The following SEM1 variants were observed in gnomAD, a reference collection of about 807,000 sequenced individuals.
SEM1 encodes the protein 26S proteasome complex subunit SEM1.
A neutral mutation model predicts 12.7 loss-of-function variants in SEM1; 3 were observed. That is an observed-to-expected ratio of 0.24 (90% CI 0.11 to 0.61). SEM1 has a LOEUF of 0.61. SEM1 is among the 20% of genes least tolerant of loss of function. The probability of loss-of-function intolerance (pLI) is 0.88; values close to 1 mark genes in which losing one functional copy is unlikely to be tolerated. For synonymous variants in SEM1, 30 were observed against 27.8 expected (o/e 1.08, Z -0.25); for missense variants, 59 against 81.3 (o/e 0.73, Z 1.06).
chr7:96,668,441 G>A (rs1383771691), intron 2 of SEM1, among the ~76,000 whole-genome samples: 1 of 152,006 alleles, frequency 6.6e-6, no homozygotes, highest in African/African-American at 2.4e-5. Context: ...TTATAGTACT[G>A]GGAATTTTAG....
intron 2 of SEM1, among the ~76,000 whole-genome samples, chr7:96,682,431 G>A (rs1789642097): frequency 6.6e-6 from 1 of 152,052 alleles, no homozygotes; most frequent in South Asian, 2.1e-4. Flanking sequence ...CGTTGAATAG[G>A]AGTGGTGAGA....
chr7:96,522,692 A>T (rs1804315915), intron 2 of SEM1, among the ~76,000 whole-genome samples: 1 of 149,468 alleles, frequency 6.7e-6, no homozygotes. Flanking sequence ...AGCCTGACCA[A>T]CATGGAGAAA....
chr7:96,522,731 CCA>C (rs1491183713), intron 2 of SEM1, among the ~76,000 whole-genome samples: 151 of 110,456 alleles, frequency 1.4e-3, no homozygotes, highest in African/African-American at 4.0e-3. Context: ...TACCCCCCCC[CCA>C]AAAAAAAATT....
chr7:96,615,451 C>T (rs1235797306), intron 2 of SEM1, among the ~76,000 whole-genome samples: 4 of 151,944 alleles, frequency 2.6e-5, no homozygotes, highest in Admixed American at 6.6e-5. Flanking sequence ...GACAAGGTTT[C>T]GCCAGGTTGG....
chr7:96,560,131 C>T (rs908326587), intron 2 of SEM1, among the ~76,000 whole-genome samples: 8 of 152,118 alleles, frequency 5.3e-5, no homozygotes, highest in South Asian at 4.1e-4. Flanking sequence ...TAAATAGTTC[C>T]GCAATGAGCA....
At chr7:96,483,135 A>G (rs1458284170) in exon 4 of SEM1, 1 of 152,228 alleles carries the variant, frequency 6.6e-6, no homozygotes, top group Admixed American at 6.5e-5. Context: ...CTTCATAGGC[A>G]TTATGTCATT....
intron 2 of SEM1, among the ~76,000 whole-genome samples, chr7:96,666,294 T>G (rs930941449): frequency 1.2e-4 from 18 of 152,188 alleles, no homozygotes; most frequent in African/African-American, 4.3e-4. Context: ...CCAGGAAGGA[T>G]GAGCATAAAC....
Position 96,571,167 on chromosome 7 carries a change from T to G in SEM1, c.171-64469A>C, listed in dbSNP as rs568006615. Among the ~76,000 whole-genome samples the G allele has an allele frequency of 2.6e-5, 4 of 152,300 alleles. No homozygotes were observed. The East Asian group carries it at 7.7e-4, about 29-fold the overall frequency. On this transcript the variant is annotated intron_variant and NMD_transcript_variant, in intron 2 of 3. Transcript: ENST00000466986. ...CATTCTGTAGGCTGCCTTTTCACTA[T>G]GATGATAGTTTCTTCTGCTGTGCAG...
intron 2 of SEM1, among the ~76,000 whole-genome samples, chr7:96,581,644 C>T (rs1025805883): frequency 1.3e-5 from 2 of 152,092 alleles, no homozygotes; most frequent in Non-Finnish European, 2.9e-5. Flanking sequence ...TCTTTTATTT[C>T]CTTGAGCAGT....
intron 2 of SEM1, among the ~76,000 whole-genome samples, chr7:96,556,221 G>T (rs574139375): frequency 6.6e-6 from 1 of 151,714 alleles, no homozygotes; most frequent in East Asian, 2.0e-4. Context: ...GTGTGAATTT[G>T]ATCCAGTCAT....
chr7:96,676,588 T>G (rs1460487100), intron 2 of SEM1, among the ~76,000 whole-genome samples: 4 of 152,224 alleles, frequency 2.6e-5, no homozygotes, highest in Admixed American at 2.0e-4. Context: ...AACTTTCCAT[T>G]AATTTCCTAC....
At chr7:96,491,183 G>C (rs1227041535) in intron 1 of SEM1, among the ~76,000 whole-genome samples, 1 of 152,064 alleles carries the variant, frequency 6.6e-6, no homozygotes, top group Non-Finnish European at 1.5e-5. Flanking sequence ...TTCTGGCTTT[G>C]ACATCCTTTT....
At chr7:96,574,125 C>A (rs1015832120) in intron 2 of SEM1, among the ~76,000 whole-genome samples, 1 of 152,046 alleles carries the variant, frequency 6.6e-6, no homozygotes, top group African/African-American at 2.4e-5. Flanking sequence ...GTGATGTTCC[C>A]CTTCCTGTGT....
intron 2 of SEM1, among the ~76,000 whole-genome samples, chr7:96,594,085 C>T (rs1032972391): frequency 6.6e-6 from 1 of 151,982 alleles, no homozygotes; most frequent in East Asian, 1.9e-4. Flanking sequence ...GGCATCTAAC[C>T]AACACTTGGC....
chr7:96,532,016 C>T (rs1367114683), intron 2 of SEM1, among the ~76,000 whole-genome samples: 1 of 152,052 alleles, frequency 6.6e-6, no homozygotes, highest in Non-Finnish European at 1.5e-5. Flanking sequence ...GATCCCATGG[C>T]CTCTGCTCAG....
In SEM1 at chr7:96,566,219, G is replaced by A. The variant is rs73708353; in HGVS notation, c.171-59521C>T. 2.3e-3 allele frequency among the ~76,000 whole-genome samples: 356 copies of A among 151,588 alleles called. 4 individuals are homozygous for A. The highest frequency in any genetic ancestry group is 7.9e-3 in the African/African-American group (329 of 41,452). ...ATGCTCATCTCATCCTTGTTCCCTG[G>A]TTACCTTACAGAGAGGCAAATACTG... On this transcript the variant is annotated intron_variant and NMD_transcript_variant, in intron 2 of 3. Coordinates refer to the SEM1 transcript ENST00000466986.
chr7:96,541,443 GTT>G lies in SEM1; in HGVS notation c.171-34747_171-34746del, dbSNP rs61049763. The stretch of plus-strand genomic sequence containing the variant: ...CACTTTTTAATGGGTTTTTTTTTTT[GTT>G]TTTTTTTTTTTTTTGCTGAATTGTT... On this transcript the variant is annotated intron_variant and NMD_transcript_variant, in intron 2 of 3. Coordinates refer to the SEM1 transcript ENST00000466986. 9.0e-3 allele frequency among the ~76,000 whole-genome samples: 924 copies of G among 102,376 alleles called. 7 individuals are homozygous for G. The highest frequency in any genetic ancestry group is 0.033 in the African/African-American group (861 of 26,372). The allele number at this position is 102,376 out of a possible 152,430, so 67.2% of individuals were successfully genotyped here.
intron 2 of SEM1, among the ~76,000 whole-genome samples, chr7:96,553,560 G>A (rs1413905860): frequency 6.6e-6 from 1 of 152,106 alleles, no homozygotes; most frequent in African/African-American, 2.4e-5. Context: ...CTATATCTCT[G>A]TTTTGGTACC....
chr7:96,615,461 G>A (rs1807685787), intron 2 of SEM1, among the ~76,000 whole-genome samples: 1 of 151,892 alleles, frequency 6.6e-6, no homozygotes, highest in African/African-American at 2.4e-5. Context: ...CGCCAGGTTG[G>A]CCAGGCTGGT....
Sources: gnomAD v4.1 joint callset for allele counts (sites outside exome capture counted in the v4.1 genomes callset) on GRCh38, gnomAD v4.1.1 for gene constraint, MANE v1.5 for transcripts, NCBI Gene and HGNC (gene_info 2026-07-23, HGNC 2026-07-21) for gene names.